ME3: variants seen among roughly 807,000 people sequenced by gnomAD.
The protein encoded by ME3 is NADP-dependent malic enzyme, mitochondrial.
ME3 carries 48 observed loss-of-function variants against 68.9 expected under a neutral mutation model. That is an observed-to-expected ratio of 0.70 (90% CI 0.55 to 0.89). The LOEUF (loss-of-function observed/expected upper bound fraction) is 0.89. Ranked by LOEUF, ME3 falls within the 40% of genes least tolerant of loss-of-function variation. ME3 has a pLI of 0.00. For missense variants in ME3, 675 were observed against 797.4 expected, an observed-to-expected ratio of 0.85 and a Z score of 1.85; for synonymous variants, 320 against 318.8, an observed-to-expected ratio of 1.00 and a Z score of -0.04.
At chr11:86,530,747 G>T (rs1418883631) in intron 4 of ME3, among the ~76,000 whole-genome samples, 2 of 152,176 alleles carry the variant, frequency 1.3e-5, no homozygotes, top group African/African-American at 4.8e-5. Context: ...AAGAAATGGG[G>T]AAAGGATTCC....
intron 4 of ME3, among the ~76,000 whole-genome samples, chr11:86,553,834 C>T (rs958629706): frequency 6.6e-6 from 1 of 152,160 alleles, no homozygotes; most frequent in African/African-American, 2.4e-5. Flanking sequence ...GGAGCTGCAA[C>T]GACATCCCAC....
At chr11:86,615,361 A>T (rs1942885047) in intron 2 of ME3, among the ~76,000 whole-genome samples, 1 of 152,168 alleles carries the variant, frequency 6.6e-6, no homozygotes, top group Non-Finnish European at 1.5e-5. Flanking sequence ...ACATTAACTT[A>T]TTTTGTCCTC....
chr11:86,649,505 G>A (rs1007848813), intron 2 of ME3, among the ~76,000 whole-genome samples: 4 of 152,324 alleles, frequency 2.6e-5, no homozygotes, highest in South Asian at 2.1e-4. Flanking sequence ...ATTCAAATAG[G>A]AAGAGAGGAA....
intron 2 of ME3, among the ~76,000 whole-genome samples, chr11:86,665,223 T>C (rs1357066713): frequency 6.6e-6 from 1 of 152,048 alleles, no homozygotes; most frequent in African/African-American, 2.4e-5. Flanking sequence ...CAATAAGCAA[T>C]AGACATACTA....
chr11:86,629,292 G>A (rs1301473605), intron 2 of ME3, among the ~76,000 whole-genome samples: 2 of 152,180 alleles, frequency 1.3e-5, no homozygotes, highest in Admixed American at 1.3e-4. Context: ...CTTTGTCTGT[G>A]AGGTTTCAAA....
chr11:86,665,281 A>G (rs879777500), intron 2 of ME3, among the ~76,000 whole-genome samples: 1 of 152,222 alleles, frequency 6.6e-6, no homozygotes, highest in Admixed American at 6.5e-5. Flanking sequence ...ACTATGGGGG[A>G]AAGCAGGATG....
chr11:86,588,383 A>C (rs865976234), intron 2 of ME3, among the ~76,000 whole-genome samples: 1 of 152,226 alleles, frequency 6.6e-6, no homozygotes, highest in African/African-American at 2.4e-5. Context: ...TTAATTACTT[A>C]ACTAATTTTC....
intron 2 of ME3, among the ~76,000 whole-genome samples, chr11:86,661,224 G>A (rs1033911580): frequency 6.6e-6 from 1 of 152,240 alleles, no homozygotes; most frequent in African/African-American, 2.4e-5. Flanking sequence ...TACTACAAAT[G>A]CTACATGCCA....
chr11:86,632,595 A>T (rs575521055), intron 2 of ME3, among the ~76,000 whole-genome samples: 9 of 152,320 alleles, frequency 5.9e-5, no homozygotes, highest in Non-Finnish European at 1.3e-4. Context: ...ATGGCCCTGG[A>T]CATCATCCTC....
intron 2 of ME3, among the ~76,000 whole-genome samples, chr11:86,627,871 C>T (rs1236228383): frequency 6.6e-6 from 1 of 152,204 alleles, no homozygotes; most frequent in Non-Finnish European, 1.5e-5. Flanking sequence ...TAACACCACG[C>T]ATAAGCAATT....
chr11:86,564,462 G>GAA lies in ME3; in HGVS notation c.184-4641_184-4640dup, dbSNP rs35429348. On this transcript the variant is annotated intron_variant, in intron 2 of 14. Transcript: ENST00000543262. ...TTTGAAACTTACTACAAAGCTACAG[G>GAA]AAAAAAAAAAAAAACAGTGTGGGAC... Among the ~76,000 whole-genome samples, 847 of 106,516 alleles carry GAA rather than the reference G, an allele frequency of 8.0e-3. 10 individuals are homozygous for GAA. The highest frequency in any genetic ancestry group is 0.017 in the Admixed American group (159 of 9,392). 69.9% of individuals were successfully genotyped at this position (106,516 alleles called of 152,430 possible).
intron 11 of ME3, among the ~76,000 whole-genome samples, chr11:86,447,855 CAAAA>C (rs35352939): frequency 9.1e-5 from 11 of 120,790 alleles, no homozygotes; most frequent in South Asian, 2.6e-4. Context: ...TAAACTCTGT[CAAAA>C]AAAAAAAAAA....
intron 4 of ME3, among the ~76,000 whole-genome samples, chr11:86,525,698 C>G (rs1218551763): frequency 1.3e-5 from 2 of 151,920 alleles, no homozygotes; most frequent in East Asian, 3.9e-4. Flanking sequence ...CCCATCTCTA[C>G]TAAAATACAA....
At chr11:86,544,204 A>G (rs1956224435) in intron 4 of ME3, among the ~76,000 whole-genome samples, 1 of 152,244 alleles carries the variant, frequency 6.6e-6, no homozygotes, top group Non-Finnish European at 1.5e-5. Flanking sequence ...AGAAAGCAGG[A>G]AAGATCTAAA....
At chr11:86,476,898 G>A (rs1014332218) in intron 7 of ME3, among the ~76,000 whole-genome samples, 1 of 152,154 alleles carries the variant, frequency 6.6e-6, no homozygotes, top group African/African-American at 2.4e-5. Flanking sequence ...TGAAGGGGAG[G>A]GATGGGTGAG....
chr11:86,472,966 C>T (rs780301388), intron 7 of ME3, among the ~76,000 whole-genome samples: 5 of 152,180 alleles, frequency 3.3e-5, no homozygotes, highest in Admixed American at 1.3e-4. Flanking sequence ...AACGTTCTAA[C>T]GAACGTGTTC....
chr11:86,475,864 T>TAGAG (rs1255014257), intron 7 of ME3, among the ~76,000 whole-genome samples: 139 of 114,380 alleles, frequency 1.2e-3, no homozygotes, highest in South Asian at 2.3e-3. Flanking sequence ...TATATATATA[T>TAGAG]ATATATATAT....
intron 8 of ME3, chr11:86,457,589 C>T (rs1950008314): frequency 1.7e-6 from 2 of 1,188,428 alleles, no homozygotes; most frequent in South Asian, 1.5e-5. Context: ...CATCATTAAC[C>T]TGCATTTTTG....
chr11:86,546,927 C>A (rs1201488401), intron 4 of ME3, among the ~76,000 whole-genome samples: 1 of 151,368 alleles, frequency 6.6e-6, no homozygotes, highest in Admixed American at 6.6e-5. Context: ...AAATGCCCAT[C>A]AATGATAGAC....
Sources: allele counts gnomAD v4.1 joint callset (sites outside exome capture counted in the v4.1 genomes callset), GRCh38; gene constraint gnomAD v4.1.1; transcripts MANE v1.5; gene names NCBI Gene and HGNC (gene_info 2026-07-23, HGNC 2026-07-21).